The following ZNF385D variants were observed in gnomAD, a reference collection of about 807,000 sequenced individuals.
ZNF385D encodes the protein zinc finger protein 659.
In ZNF385D, 15 loss-of-function variants were observed where a neutral mutation model predicts 35.8. That is an observed-to-expected ratio of 0.42 (90% CI 0.28 to 0.64). ZNF385D has a LOEUF of 0.64. Among genes scored for constraint, ZNF385D ranks in the 30% least tolerant of loss-of-function variants. The probability of loss-of-function intolerance (pLI) is 0.23; values close to 1 mark genes in which losing one functional copy is unlikely to be tolerated. For synonymous variants in ZNF385D, 212 were observed against 186.8 expected, an observed-to-expected ratio of 1.13 and a Z score of -1.10; for missense variants, 474 against 494.6, an observed-to-expected ratio of 0.96 and a Z score of 0.39.
intron 3 of ZNF385D, among the ~76,000 whole-genome samples, chr3:21,968,886 G>C (rs570706827): frequency 6.6e-6 from 1 of 152,256 alleles, no homozygotes; most frequent in South Asian, 2.1e-4. Flanking sequence ...ATACCAGCTG[G>C]GCCACAGTGG....
intron 4 of ZNF385D, among the ~76,000 whole-genome samples, chr3:21,446,356 C>T (rs1053714090): frequency 4.6e-5 from 7 of 151,994 alleles, no homozygotes; most frequent in Non-Finnish European, 1.0e-4. Context: ...GGAGTTCCTG[C>T]GACATGGGAC....
intron 3 of ZNF385D, among the ~76,000 whole-genome samples, chr3:22,062,524 C>G (rs1334477305): frequency 6.6e-6 from 1 of 152,128 alleles, no homozygotes; most frequent in Non-Finnish European, 1.5e-5. Context: ...AGTAGTGAGC[C>G]TAACTTGTGA....
intron 1 of ZNF385D, among the ~76,000 whole-genome samples, chr3:21,743,796 C>A (rs1038116639): frequency 3.9e-5 from 6 of 152,208 alleles, no homozygotes; most frequent in Non-Finnish European, 8.8e-5. Flanking sequence ...AACACCGATG[C>A]ATGCCTTCTA....
At chr3:22,101,662 A>C (rs1302044423) in intron 3 of ZNF385D, among the ~76,000 whole-genome samples, 1 of 151,776 alleles carries the variant, frequency 6.6e-6, no homozygotes, top group Non-Finnish European at 1.5e-5. Flanking sequence ...CAATAGGGGC[A>C]TGTACGTTTT....
At chr3:21,813,607 T>C (rs2073026847) in intron 3 of ZNF385D, among the ~76,000 whole-genome samples, 1 of 151,920 alleles carries the variant, frequency 6.6e-6, no homozygotes, top group Non-Finnish European at 1.5e-5. Flanking sequence ...TATCGATGAT[T>C]GAAGATCAAA....
chr3:22,274,242 A>G (rs1701316824), intron 2 of ZNF385D, among the ~76,000 whole-genome samples: 2 of 152,010 alleles, frequency 1.3e-5, no homozygotes, highest in African/African-American at 4.8e-5. Flanking sequence ...ATAATATACT[A>G]CTTTTGTCTA....
chr3:22,050,195 G>GT (rs1381899595), intron 3 of ZNF385D, among the ~76,000 whole-genome samples: 1 of 150,188 alleles, frequency 6.7e-6, no homozygotes, highest in African/African-American at 2.5e-5. Flanking sequence ...GGAAGATTGG[G>GT]TTTAAAAAAA....
chr3:21,620,918 C>G (rs2064987237), intron 2 of ZNF385D, among the ~76,000 whole-genome samples: 1 of 152,074 alleles, frequency 6.6e-6, no homozygotes, highest in Admixed American at 6.6e-5. Flanking sequence ...GAATTCATCA[C>G]AAATTAAACA....
chr3:21,925,054 C>T (rs1179088204), intron 3 of ZNF385D, among the ~76,000 whole-genome samples: 2 of 152,092 alleles, frequency 1.3e-5, no homozygotes, highest in Non-Finnish European at 2.9e-5. Flanking sequence ...TTTGGAAGAA[C>T]ACAGTAAGGA....
chr3:21,669,873 G>A (rs960376699), intron 1 of ZNF385D, among the ~76,000 whole-genome samples: 2 of 152,064 alleles, frequency 1.3e-5, no homozygotes, highest in African/African-American at 4.8e-5. Flanking sequence ...AGGTTACTTT[G>A]TAAATTAATA....
chr3:21,868,885 C>T (rs1339286160), intron 3 of ZNF385D, among the ~76,000 whole-genome samples: 2 of 152,022 alleles, frequency 1.3e-5, no homozygotes, highest in African/African-American at 2.4e-5. Context: ...ACACTCGAGG[C>T]AAATTGTGCC....
chr3:22,344,513 C>G (rs1695566595), intron 2 of ZNF385D, among the ~76,000 whole-genome samples: 1 of 152,126 alleles, frequency 6.6e-6, no homozygotes, highest in Non-Finnish European at 1.5e-5. Context: ...CCTCAGCCTC[C>G]TGAGTATCTA....
chr3:21,470,188 C>T (rs1703795430), intron 4 of ZNF385D, among the ~76,000 whole-genome samples: 4 of 152,168 alleles, frequency 2.6e-5, no homozygotes, highest in Admixed American at 2.0e-4. Flanking sequence ...TGCAGTGCCT[C>T]ACAGACCAAT....
At chr3:22,289,129 G>T (rs1414524629) in intron 2 of ZNF385D, among the ~76,000 whole-genome samples, 4 of 152,142 alleles carry the variant, frequency 2.6e-5, no homozygotes, top group African/African-American at 9.7e-5. Flanking sequence ...CACTAAGCCT[G>T]GAAGAAGATC....
chr3:21,722,339 T>C (rs764010589), intron 1 of ZNF385D, among the ~76,000 whole-genome samples: 6 of 152,206 alleles, frequency 3.9e-5, no homozygotes, highest in African/African-American at 1.4e-4. Flanking sequence ...TGTAGGATGT[T>C]TGTATCTATC....
intron 2 of ZNF385D, among the ~76,000 whole-genome samples, chr3:22,196,126 A>T (rs1246231551): frequency 6.6e-6 from 1 of 152,050 alleles, no homozygotes; most frequent in African/African-American, 2.4e-5. Flanking sequence ...CCCCGATGAC[A>T]CAAGTTTACC....
intron 3 of ZNF385D, among the ~76,000 whole-genome samples, chr3:21,874,406 C>A (rs537214760): frequency 1.6e-4 from 24 of 152,096 alleles, no homozygotes; most frequent in Admixed American, 4.6e-4. Context: ...TAGATATTAA[C>A]TCCTTATCAA....
At chr3:22,196,287 GT>G (rs1696407504) in intron 2 of ZNF385D, among the ~76,000 whole-genome samples, 1 of 151,972 alleles carries the variant, frequency 6.6e-6, no homozygotes, top group African/African-American at 2.4e-5. Flanking sequence ...TACCGACTTT[GT>G]TTTGTTCAGC....
At chr3:21,988,006 G>A (rs1329128069) in intron 3 of ZNF385D, among the ~76,000 whole-genome samples, 4 of 145,682 alleles carry the variant, frequency 2.7e-5, no homozygotes, top group Non-Finnish European at 6.1e-5. Flanking sequence ...TCGAGCCTTG[G>A]TTTTCAGCTC....
Sources: allele counts gnomAD v4.1 joint callset (sites outside exome capture counted in the v4.1 genomes callset), GRCh38; gene constraint gnomAD v4.1.1; transcripts MANE v1.5; gene names NCBI Gene and HGNC (gene_info 2026-07-23, HGNC 2026-07-21).